Variants in PTPRQ observed in about 807,000 individuals in gnomAD.
The protein encoded by PTPRQ is phosphatidylinositol phosphatase PTPRQ.
A neutral mutation model predicts 246.0 loss-of-function variants in PTPRQ; 199 were observed. The observed-to-expected ratio is 0.81, with a 90% confidence interval of 0.72 to 0.91. The LOEUF (loss-of-function observed/expected upper bound fraction) is 0.91, where lower values mean the gene tolerates loss of function less well. PTPRQ is among the 40% of genes least tolerant of loss of function. The pLI, the probability that PTPRQ is intolerant of heterozygous loss-of-function variation, is 0.00. For synonymous variants in PTPRQ, 869 were observed against 853.2 expected (o/e 1.02, Z -0.32); for missense variants, 2,624 against 2,528.4 (o/e 1.04, Z -0.81).
At chr12:80,545,104 T>C (rs545589374) in intron 23 of PTPRQ, among the ~76,000 whole-genome samples, 4 of 152,244 alleles carry the variant, frequency 2.6e-5, no homozygotes, top group Non-Finnish European at 4.4e-5. Flanking sequence ...GTTTCTCTGG[T>C]TTTTAGCCCT....
intron 39 of PTPRQ, among the ~76,000 whole-genome samples, chr12:80,659,980 G>A (rs780582466): frequency 1.6e-4 from 25 of 151,944 alleles, no homozygotes; most frequent in Non-Finnish European, 3.4e-4. Flanking sequence ...ATACTGCAGT[G>A]GCCCTCACTT....
chr12:80,547,100 T>C (rs1896329622), intron 24 of PTPRQ: 1 of 164,918 alleles, frequency 6.1e-6, no homozygotes, highest in Non-Finnish European at 1.3e-5. Context: ...TTAAGAAGAT[T>C]AGTTGTGACA....
chr12:80,602,287 G>A (rs1898169883), intron 26 of PTPRQ, among the ~76,000 whole-genome samples: 3 of 151,628 alleles, frequency 2.0e-5, no homozygotes, highest in Admixed American at 2.0e-4. Flanking sequence ...ATTGAGTTGT[G>A]CACCTAAATT....
intron 6 of PTPRQ, among the ~76,000 whole-genome samples, chr12:80,467,879 T>G (rs61950910): frequency 0.096 from 14,596 of 151,700 alleles, 1,498 homozygotes; most frequent in African/African-American, 0.25. Context: ...AGGGGGGAGG[T>G]ATAGCTTTAG....
intron 14 of PTPRQ, among the ~76,000 whole-genome samples, chr12:80,497,700 A>G (rs532428228): frequency 4.6e-5 from 7 of 152,232 alleles, no homozygotes; most frequent in Admixed American, 3.9e-4. Context: ...TTATAATTAT[A>G]TATTGGTGGC....
At chr12:80,472,784 T>G (rs1306393165) in intron 8 of PTPRQ, among the ~76,000 whole-genome samples, 2 of 152,210 alleles carry the variant, frequency 1.3e-5, no homozygotes, top group African/African-American at 4.8e-5. Context: ...AAGTATTCAT[T>G]AAACATCATT....
At position 80,468,964 on chromosome 12, in the gene PTPRQ, G is replaced by A. The variant is rs183872366; in HGVS notation, c.1039+126G>A. On this transcript the variant is annotated intron_variant, in intron 7 of 44. Coordinates refer to ENST00000644991, the MANE Select transcript of PTPRQ (RefSeq NM_001145026.2). ...GACTCTAAGATTGAAGCAAACAATA[G>A]GAAAGTCATAAGGAAGGGGAGGTCC... 9.2e-4 allele frequency: 1,222 copies of A among 1,327,318 alleles called. 8 individuals are homozygous for A. Among genetic ancestry groups the A allele is most frequent in the African/African-American group, 7.6e-3 (499 of 65,344 alleles). The allele number at this position is 1,327,318 out of a possible 1,614,324, so 82.2% of individuals were successfully genotyped here.
At chr12:80,523,359 T>C (rs28889410) in intron 17 of PTPRQ, among the ~76,000 whole-genome samples, 53,374 of 152,032 alleles carry the variant, frequency 0.35, 11,698 homozygotes, top group African/African-American at 0.62. Flanking sequence ...TGTGTTTCTA[T>C]TTCCTTCAGT....
chr12:80,663,294 T>G (rs905710907), intron 39 of PTPRQ, among the ~76,000 whole-genome samples: 1 of 151,988 alleles, frequency 6.6e-6, no homozygotes, highest in Non-Finnish European at 1.5e-5. Flanking sequence ...ATATACAGTA[T>G]AATATTTAGT....
chr12:80,454,150 C>T (rs557893833), intron 3 of PTPRQ, among the ~76,000 whole-genome samples: 7 of 132,254 alleles, frequency 5.3e-5, no homozygotes, highest in Non-Finnish European at 1.1e-4. Flanking sequence ...AGGCAGACTC[C>T]GTGGGGGTAA....
intron 17 of PTPRQ, among the ~76,000 whole-genome samples, chr12:80,521,486 A>C (rs1401551743): frequency 6.6e-6 from 1 of 152,114 alleles, no homozygotes; most frequent in African/African-American, 2.4e-5. Flanking sequence ...TAGAGTTTTT[A>C]TGGTTTTAGG....
At chr12:80,488,884 A>G (rs10128946) in intron 9 of PTPRQ, among the ~76,000 whole-genome samples, 67 of 152,160 alleles carry the variant, frequency 4.4e-4, no homozygotes, top group Middle Eastern at 3.4e-3. Flanking sequence ...TGAAAATTAC[A>G]TTAGCAAAAT....
At chr12:80,485,273 A>T (rs569919150) in intron 9 of PTPRQ, among the ~76,000 whole-genome samples, 2 of 152,222 alleles carry the variant, frequency 1.3e-5, no homozygotes, top group Admixed American at 1.3e-4. Context: ...ACCTCACTTC[A>T]TCAACTGTTC....
chr12:80,627,200 ATCTAAC>A (rs896137427), intron 33 of PTPRQ, among the ~76,000 whole-genome samples: 4 of 151,876 alleles, frequency 2.6e-5, no homozygotes, highest in African/African-American at 4.8e-5. Context: ...TATTCCTCCT[ATCTAAC>A]TCTATTTCTT....
intron 6 of PTPRQ, among the ~76,000 whole-genome samples, chr12:80,467,238 C>G (rs1893456492): frequency 6.6e-6 from 1 of 151,922 alleles, no homozygotes; most frequent in African/African-American, 2.4e-5. Context: ...TTTATGCAGC[C>G]AAAAAACACA....
intron 3 of PTPRQ, chr12:80,454,532 C>G (rs1445210960): frequency 2.8e-6 from 2 of 702,258 alleles, no homozygotes; most frequent in African/African-American, 1.7e-5. Context: ...GAGTAGACAT[C>G]CTACTTTTGT....
chr12:80,447,987 G>T (rs1892605127), intron 3 of PTPRQ, among the ~76,000 whole-genome samples: 1 of 151,806 alleles, frequency 6.6e-6, no homozygotes, highest in Admixed American at 6.6e-5. Context: ...GATTTCTTTG[G>T]GTGGTATGGT....
At position 80,640,198 on chromosome 12, in the gene PTPRQ, T is replaced by C. The variant is rs111273875; in HGVS notation, c.5915+5125T>C. ...GAAAGAGGTTCCTCTTTGGATTTCT[T>C]TGTTGTCTCATGATATGAAGCAAAG... is the stretch of plus-strand genomic sequence containing the variant. On this transcript the variant is annotated intron_variant, in intron 35 of 44. Transcript: ENST00000644991. 2.3e-3 allele frequency among the ~76,000 whole-genome samples: 350 copies of C among 152,310 alleles called. 2 individuals carry two copies. Among genetic ancestry groups the C allele is most frequent in the African/African-American group, 8.1e-3 (338 of 41,572 alleles).
rs1223363096 is a variant in PTPRQ, at chr12:80,534,193, G to A, written c.2839+18G>A. ...AGAGGGAGGTGAGTTAAGGATGTAT[G>A]CCAATTAAAAGAATGTTCTTTTTCT... On this transcript the variant is annotated intron_variant, in intron 18 of 44. Coordinates refer to ENST00000644991, the MANE Select transcript of PTPRQ (RefSeq NM_001145026.2). 4.1e-6 allele frequency: 6 copies of A among 1,458,754 alleles called. No individual in the cohort carries two copies. In the East Asian group the frequency reaches 1.1e-4, roughly 26 times the overall value. 90.4% of individuals were successfully genotyped at this position (1,458,754 alleles called of 1,614,324 possible). A position where few individuals can be genotyped will look rare whatever the true frequency, so the allele number is the denominator to read the frequency against.
Sources: gnomAD v4.1 joint callset for allele counts (sites outside exome capture counted in the v4.1 genomes callset) on GRCh38, gnomAD v4.1.1 for gene constraint, MANE v1.5 for transcripts, NCBI Gene and HGNC (gene_info 2026-07-23, HGNC 2026-07-21) for gene names.